KLF8: variants seen among roughly 807,000 people sequenced by gnomAD.
The protein encoded by KLF8 is KLF transcription factor 8, also known as Krueppel-like factor 8.
Under a neutral mutation model 18.2 loss-of-function variants are expected in KLF8, and 10 were observed. The observed-to-expected ratio is 0.55, with a 90% CI of 0.34 to 0.93. The LOEUF is 0.93. Ranked by LOEUF, KLF8 falls within the 40% of genes least tolerant of loss-of-function variation. KLF8 has a pLI of 0.02. For synonymous variants in KLF8, 109 were observed against 97.3 expected, an observed-to-expected ratio of 1.12 and a Z score of -0.71; for missense variants, 264 against 277.9, an observed-to-expected ratio of 0.95 and a Z score of 0.36.
chrX:56,144,468 G>A, the KLF8 span, among the ~76,000 whole-genome samples: 5 of 109,395 alleles, frequency 4.6e-5, no homozygotes, highest in South Asian at 4.0e-4. Context: ...CTTTTCTTTC[G>A]GCTGGGCGCG....
At chrX:56,189,585 G>A in the KLF8 span, among the ~76,000 whole-genome samples, 1 of 110,707 alleles carries the variant, frequency 9.0e-6, no homozygotes, top group Non-Finnish European at 1.9e-5. Flanking sequence ...GTTTATTGTG[G>A]CATTATTCAC....
At chrX:55,959,098 G>A in the KLF8 span, among the ~76,000 whole-genome samples, 1 of 112,335 alleles carries the variant, frequency 8.9e-6, no homozygotes, top group Non-Finnish European at 1.9e-5. Flanking sequence ...AGAGAAAAAA[G>A]CTGTAGGCCA....
chrX:55,990,961 G>A, the KLF8 span, among the ~76,000 whole-genome samples: 1 of 112,574 alleles, frequency 8.9e-6, no homozygotes, highest in Non-Finnish European at 1.9e-5. Flanking sequence ...ACCCACTTGA[G>A]GAGGCAGTCT....
chrX:56,044,353 G>A, the KLF8 span, among the ~76,000 whole-genome samples: 5 of 112,176 alleles, frequency 4.5e-5, no homozygotes, highest in Non-Finnish European at 9.4e-5. Flanking sequence ...GTGTTGCAGG[G>A]TTTACTTTTT....
chrX:55,986,730 G>A, the KLF8 span, among the ~76,000 whole-genome samples: 1 of 111,788 alleles, frequency 8.9e-6, no homozygotes, highest in Non-Finnish European at 1.9e-5. Context: ...CAGAGTTAAT[G>A]TACAAGTTGG....
the KLF8 span, among the ~76,000 whole-genome samples, chrX:56,129,324 G>C: frequency 8.9e-6 from 1 of 111,783 alleles, no homozygotes; most frequent in Non-Finnish European, 1.9e-5. Context: ...GCAGGACCCG[G>C]GAGATAGCCC....
At chrX:56,190,538 T>C in the KLF8 span, among the ~76,000 whole-genome samples, 1 of 111,657 alleles carries the variant, frequency 9.0e-6, no homozygotes, top group African/African-American at 3.2e-5. Context: ...ATTTTTTCCT[T>C]GGCATAAGTA....
the KLF8 span, among the ~76,000 whole-genome samples, chrX:55,966,587 G>A: frequency 8.9e-5 from 10 of 112,311 alleles, no homozygotes; most frequent in African/African-American, 2.9e-4. Context: ...TATGTCTGCA[G>A]TGACCAAAAA....
chrX:56,079,991 C>A, the KLF8 span, among the ~76,000 whole-genome samples: 1 of 110,180 alleles, frequency 9.1e-6, no homozygotes, highest in African/African-American at 3.3e-5. Flanking sequence ...TTTTGTTTTC[C>A]ATTTGCTTGG....
the KLF8 span, among the ~76,000 whole-genome samples, chrX:56,159,719 G>A: frequency 2.7e-5 from 3 of 111,312 alleles, no homozygotes; most frequent in Non-Finnish European, 5.7e-5. Context: ...TATTTCTGTG[G>A]GATCGGTGGT....
At chrX:56,058,686 C>T in the KLF8 span, among the ~76,000 whole-genome samples, 1 of 110,354 alleles carries the variant, frequency 9.1e-6, no homozygotes, top group Non-Finnish European at 1.9e-5. Context: ...ATGAACTCAT[C>T]GTTTTTTATG....
At chrX:56,165,735 C>A in the KLF8 span, among the ~76,000 whole-genome samples, 1 of 110,501 alleles carries the variant, frequency 9.0e-6, no homozygotes, top group African/African-American at 3.3e-5. Flanking sequence ...TTTCTACATG[C>A]TGGTAGTCCT....
At chrX:56,020,254 G>GA in the KLF8 span, among the ~76,000 whole-genome samples, 4 of 110,836 alleles carry the variant, frequency 3.6e-5, no homozygotes, top group African/African-American at 1.3e-4. Flanking sequence ...AGAGCTCTGG[G>GA]GAAAAAAAAG....
At chrX:56,081,155 C>T in the KLF8 span, among the ~76,000 whole-genome samples, 1 of 111,977 alleles carries the variant, frequency 8.9e-6, no homozygotes, top group Non-Finnish European at 1.9e-5. Context: ...TTGTCAAAGT[C>T]ATTCTCCATC....
At chrX:56,189,101 A>C in the KLF8 span, among the ~76,000 whole-genome samples, 1 of 111,853 alleles carries the variant, frequency 8.9e-6, no homozygotes. Flanking sequence ...AAATGGGAGA[A>C]AATTTTTGCA....
At chrX:56,270,383 A>ACACCC in intron 5 of KLF8, 62 bp downstream of exon 5, 2 of 425,622 alleles carry the variant, frequency 4.7e-6, no homozygotes, top group Admixed American at 8.5e-5. Flanking sequence ...CACACACACG[A>ACACCC]GAGAGAGAGA....
chrX:56,047,031 G>A, the KLF8 span, among the ~76,000 whole-genome samples: 5 of 108,844 alleles, frequency 4.6e-5, no homozygotes, highest in Non-Finnish European at 9.5e-5. Flanking sequence ...AACATAGTCC[G>A]AAACTTCTTG....
chrX:56,141,238 G>A, the KLF8 span, among the ~76,000 whole-genome samples: 2 of 111,917 alleles, frequency 1.8e-5, no homozygotes, highest in Non-Finnish European at 3.8e-5. Flanking sequence ...ATGTGCTGGG[G>A]TTACAGGCGT....
chrX:56,154,341 C>G, the KLF8 span, among the ~76,000 whole-genome samples: 3 of 111,677 alleles, frequency 2.7e-5, no homozygotes, highest in Admixed American at 1.9e-4. Flanking sequence ...CTGACAAAAA[C>G]AAGAAATGGG....
Sources: allele counts gnomAD v4.1 joint callset (sites outside exome capture counted in the v4.1 genomes callset), GRCh38; gene constraint gnomAD v4.1.1; transcripts MANE v1.5; gene names NCBI Gene and HGNC (gene_info 2026-07-23, HGNC 2026-07-21).